Variants in GALC observed in about 807,000 individuals in gnomAD.
The protein encoded by GALC is galactosylceramidase, also known as galactocerebrosidase.
In GALC, 77 loss-of-function variants were observed where a neutral mutation model predicts 91.8. That is an observed-to-expected ratio of 0.84 (90% confidence interval 0.70 to 1.01). GALC has a LOEUF of 1.01. GALC is among the 50% of genes least tolerant of loss of function. GALC has a pLI of 0.00. For synonymous variants in GALC, 357 were observed against 306.7 expected (o/e 1.16, Z -1.71); for missense variants, 882 against 855.9 (o/e 1.03, Z -0.38).
chr14:87,946,167 G>A (rs1279657456), intron 13 of GALC, among the ~76,000 whole-genome samples: 1 of 151,996 alleles, frequency 6.6e-6, no homozygotes, highest in Admixed American at 6.6e-5. Context: ...ATAAGGGATA[G>A]CTTTATTATT....
chr14:87,988,095 ATAGAT>A, intron 3 of GALC, 44 bp downstream of exon 3: 2 of 1,357,640 alleles, frequency 1.5e-6, no homozygotes, highest in Non-Finnish European at 2.1e-6. Flanking sequence ...ATGCTGAGGT[ATAGAT>A]TAAAATGTTG....
chr14:87,972,831 C>T (rs1477844069), intron 7 of GALC, among the ~76,000 whole-genome samples: 1 of 151,950 alleles, frequency 6.6e-6, no homozygotes, highest in East Asian at 1.9e-4. Flanking sequence ...ATAACTGGTG[C>T]TTCTAAAAAG....
chr14:87,992,077 C>G (rs528088782), intron 1 of GALC, among the ~76,000 whole-genome samples: 1 of 150,110 alleles, frequency 6.7e-6, no homozygotes, highest in South Asian at 2.1e-4. Context: ...GATCAGCTAA[C>G]TCCAGGGGGA....
At chr14:87,950,586 G>A (rs1252232549) in intron 11 of GALC, 73 bp downstream of exon 11, 5 of 927,080 alleles carry the variant, frequency 5.4e-6, no homozygotes, top group Non-Finnish European at 8.6e-6. Flanking sequence ...CTTCACTTAA[G>A]AACTACTGGC....
rs752537626 is a variant in GALC, at chr14:87,941,529, T to G, written c.1700A>C (p.Tyr567Ser). Residue 567 changes from tyrosine (Y) to serine (S), a missense_variant, in exon 15 of 17, where the codon TAC (tyrosine) becomes TCC (serine). Transcript: ENST00000261304. ...ACCTCCTGTGTCAGGGGTCTCTATG[T>G]ATACATCACACTTTATAGTCAGATT... The part of the protein sequence containing the change: ...WTNLTIKCDV[Y>S]IETPDTGGVF... 6.9e-5 allele frequency: 109 copies of G among 1,591,138 alleles called. No individual in the cohort carries two copies. Among genetic ancestry groups the G allele is most frequent in the Non-Finnish European group, 8.8e-5 (102 of 1,159,634 alleles).
In GALC at chr14:87,934,543, C is replaced by T; in HGVS notation, c.*189G>A. 1 of 1,454,938 alleles carries T rather than the reference C, an allele frequency of 6.9e-7. No individual in the cohort carries two copies. Among genetic ancestry groups the T allele is most frequent in the East Asian group, 2.5e-5 (1 of 39,808 alleles). The allele number at this position is 1,454,938 out of a possible 1,614,324, so 90.1% of individuals were successfully genotyped here. On this transcript the variant is annotated 3_prime_UTR_variant, in exon 17 of 17. Transcript: ENST00000261304. ...AATGTTAAAGATTCACCAGTTTTCC[C>T]CTTGGAATTAATTCTAATAAAATCT...
At chr14:87,955,881 T>C (rs965208045) in intron 10 of GALC, among the ~76,000 whole-genome samples, 2 of 151,814 alleles carry the variant, frequency 1.3e-5, no homozygotes, top group African/African-American at 2.4e-5. Flanking sequence ...AATGAGGAAG[T>C]ATAGAGTGGT....
At chr14:87,993,227 G>A, upstream of GALC, 5 of 1,547,286 alleles carry the variant, frequency 3.2e-6, no homozygotes, top group Non-Finnish European at 4.4e-6. Context: ...CGATAGATAC[G>A]GGCAGGAGGC....
chr14:87,958,199 C>T (rs1197541760), intron 10 of GALC, among the ~76,000 whole-genome samples: 1 of 152,052 alleles, frequency 6.6e-6, no homozygotes, highest in African/African-American at 2.4e-5. Context: ...ATTGAGTTCG[C>T]AGCACGCAGT....
intron 3 of GALC, 51 bp downstream of exon 3, chr14:87,988,093 G>T (rs763988064): frequency 3.0e-6 from 4 of 1,337,212 alleles, no homozygotes; most frequent in Non-Finnish European, 4.3e-6. Flanking sequence ...ATATGCTGAG[G>T]TATAGATTAA....
At chr14:87,953,177 G>T in intron 10 of GALC, 1 of 1,475,244 alleles carries the variant, frequency 6.8e-7, no homozygotes, top group South Asian at 1.1e-5. Flanking sequence ...GCAGCAGTTA[G>T]GAAGGTCTCA....
rs978229221 is a variant in GALC, at chr14:87,945,833, TAAATA to T, written c.1490-105_1490-101del. The T allele has an allele frequency of 1.3e-5, 11 of 856,058 alleles. No homozygotes were observed. In the African/African-American group the frequency reaches 1.9e-4, roughly 15 times the overall value. 53.0% of individuals were successfully genotyped at this position (856,058 alleles called of 1,614,324 possible). ...TGTCTGAAACACTTCTGAAAGCTTT[TAAATA>T]AATAAATAAAATCTAAACCAAAGTT... On this transcript the variant is annotated intron_variant, in intron 13 of 16. Transcript: ENST00000261304.
intron 10 of GALC, chr14:87,952,855 T>A: frequency 8.6e-7 from 1 of 1,161,086 alleles, no homozygotes; most frequent in South Asian, 1.2e-5. Flanking sequence ...AATATGCAAA[T>A]ATGTGGATTT....
At chr14:87,952,272 C>T (rs990090349) in intron 10 of GALC, among the ~76,000 whole-genome samples, 3 of 151,718 alleles carry the variant, frequency 2.0e-5, no homozygotes, top group Non-Finnish European at 4.4e-5. Context: ...ACATACACTT[C>T]AACAATAAGA....
intron 3 of GALC, among the ~76,000 whole-genome samples, chr14:87,987,328 T>G (rs1329525644): frequency 6.6e-6 from 1 of 152,228 alleles, no homozygotes; most frequent in Admixed American, 6.5e-5. Context: ...TACCTCTACC[T>G]CTAATTTAGC....
At position 87,974,713 on chromosome 14, in the gene GALC, T is replaced by C. The variant is rs141168061; in HGVS notation, c.752+1645A>G. ...AGTCAAGAAAAAAGCGAAGGTATTTTTTCAGATTTTTTTTTAATAAGCTCC... is the reference window on the plus strand; with the variant it reads ...AGTCAAGAAAAAAGCGAAGGTATTTCTTCAGATTTTTTTTTAATAAGCTCC... On this transcript the variant is annotated intron_variant, in intron 7 of 16. Transcript: ENST00000261304. Among the ~76,000 whole-genome samples the C allele has an allele frequency of 2.8e-3, 425 of 152,180 alleles. 2 individuals carry two copies. The highest frequency in any genetic ancestry group is 9.7e-3 in the African/African-American group (404 of 41,562).
chr14:87,946,390 A>C (rs781686453), intron 13 of GALC, among the ~76,000 whole-genome samples: 8 of 152,032 alleles, frequency 5.3e-5, no homozygotes, highest in Non-Finnish European at 1.2e-4. Context: ...GTAGAGGAGA[A>C]ATTTTACATA....
At chr14:87,992,367 C>G (rs1422406642) in intron 1 of GALC, 47 of 1,535,608 alleles carry the variant, frequency 3.1e-5, no homozygotes, top group African/African-American at 4.1e-5. Flanking sequence ...TCAGGCCGCT[C>G]GCTTATCTTC....
chr14:87,967,243 G>A (rs1181154502), intron 8 of GALC, among the ~76,000 whole-genome samples: 1 of 152,192 alleles, frequency 6.6e-6, no homozygotes, highest in African/African-American at 2.4e-5. Flanking sequence ...TATTTAAAAT[G>A]TATACATGCC....
Sources: allele counts gnomAD v4.1 joint callset (sites outside exome capture counted in the v4.1 genomes callset), GRCh38; gene constraint gnomAD v4.1.1; transcripts MANE v1.5; gene names NCBI Gene and HGNC (gene_info 2026-07-23, HGNC 2026-07-21).